ARHGAP11A: variants seen among roughly 807,000 people sequenced by gnomAD.
The protein encoded by ARHGAP11A is rho GTPase-activating protein 11A.
ARHGAP11A carries 36 observed loss-of-function variants against 60.5 expected under a neutral mutation model. That is an observed-to-expected ratio of 0.59 (90% CI 0.46 to 0.79). ARHGAP11A has a LOEUF of 0.79. Among genes scored for constraint, ARHGAP11A ranks in the 30% least tolerant of loss-of-function variants. The pLI is 0.00. For missense variants in ARHGAP11A, 1,071 were observed against 1,199.2 expected (o/e 0.89, Z 1.58); for synonymous variants, 362 against 415.5 (o/e 0.87, Z 1.57).
chr15:32,625,818 AG>A (rs1226007131), intron 6 of ARHGAP11A, among the ~76,000 whole-genome samples, 185 bp downstream of exon 6: 1 of 152,260 alleles, frequency 6.6e-6, no homozygotes, highest in African/African-American at 2.4e-5. Flanking sequence ...CTACATCTTT[AG>A]CACAAACATA....
At position 32,635,797 on chromosome 15, in the gene ARHGAP11A, T is replaced by G. The variant is rs748035502; in HGVS notation, c.1365T>G (p.Asn455Lys). 1.9e-6 allele frequency: 3 copies of G among 1,608,518 alleles called. No homozygotes were observed. The African/African-American group carries it at 4.0e-5, about 21-fold the overall frequency. Residue 455 changes from asparagine (N) to lysine (K), a missense_variant, in exon 11 of 12, where the codon AAT (asparagine) becomes AAG (lysine). Asn to Lys is a moderately conservative substitution (Grantham distance 94). Coordinates refer to ENST00000361627, the MANE Select transcript of ARHGAP11A (RefSeq NM_014783.6). ...TACAGAATGGATGTTCTGGTGTCAATAGATATGAAAGTGTTGGTTGGCGAC... is the reference window on the plus strand; with the variant it reads ...TACAGAATGGATGTTCTGGTGTCAAGAGATATGAAAGTGTTGGTTGGCGAC... ...GREVNGCSGV[N>K]RYESVGWRLA... is the part of the protein sequence containing the mutation.
chr15:32,621,986 A>G (rs1397869155), intron 2 of ARHGAP11A, among the ~76,000 whole-genome samples: 1 of 152,310 alleles, frequency 6.6e-6, no homozygotes, highest in South Asian at 2.1e-4. Flanking sequence ...CAATTATCGA[A>G]CACCTGGTTG....
rs1313901075 is a variant in ARHGAP11A, at chr15:32,636,442, G to C, written c.1669G>C (p.Glu557Gln). The C allele has an allele frequency of 6.2e-7, 1 of 1,613,942 alleles. No homozygotes were observed. Among genetic ancestry groups the C allele is most frequent in the Non-Finnish European group, 8.5e-7 (1 of 1,179,934 alleles). ...ENSLEPDIMV[E>Q]KSPATSCELT... ...CTCTTTGGAGCCTGATATTATGGTAGAAAAGTCACCTGCTACTTCATGTGA... is the reference window on the plus strand; with the variant it reads ...CTCTTTGGAGCCTGATATTATGGTACAAAAGTCACCTGCTACTTCATGTGA... Residue 557 changes from glutamate to glutamine, a missense_variant, in exon 12 of 12, where the codon GAA becomes CAA. Around this residue, in one of 4 missense-constraint regions of ARHGAP11A, gnomAD observed 776 missense variants for 760.2 expected, o/e 1.02. Coordinates refer to ENST00000361627, the MANE Select transcript of ARHGAP11A (RefSeq NM_014783.6).
rs572825058 is a variant in ARHGAP11A, at chr15:32,633,197, A to G, written c.1235+89A>G. 47 of 1,430,732 alleles carry G rather than the reference A, an allele frequency of 3.3e-5. 1 individual carries two copies. In the South Asian group the frequency reaches 6.0e-4, roughly 18 times the overall value. 88.6% of individuals were successfully genotyped at this position (1,430,732 alleles called of 1,614,324 possible). A position where few individuals can be genotyped will look rare whatever the true frequency, so the allele number is the denominator to read the frequency against. On this transcript the variant is annotated intron_variant, in intron 9 of 11. Coordinates refer to ENST00000361627, the MANE Select transcript of ARHGAP11A (RefSeq NM_014783.6). ...ATGTTTTGTCTTTCTGTCAAGCATC[A>G]TATTTGAGTCATAATTTTTTAAAAT...
Position 32,633,074 on chromosome 15 carries a change from C to A in ARHGAP11A, c.1201C>A (p.Arg401=). The part of the protein sequence containing the change: ...NHLITAGVPR[R]SKRIAGKKVC... The stretch of plus-strand genomic sequence containing the variant: ...TTTGATCACTGCAGGTGTGCCAAGG[C>A]GAAGTAAAAGAATTGCAGGCAAAAA... Residue 401 remains arginine (R), a synonymous_variant, in exon 9 of 12, where the codon CGA becomes AGA. Coordinates refer to ENST00000361627, the MANE Select transcript of ARHGAP11A (RefSeq NM_014783.6). 6.2e-7 allele frequency: 1 copy of A among 1,613,934 alleles called. No homozygotes were observed. The highest frequency in any genetic ancestry group is 8.5e-7 in the Non-Finnish European group (1 of 1,179,938).
At chr15:32,627,931 T>C (rs1462672776) in intron 6 of ARHGAP11A, among the ~76,000 whole-genome samples, 2 of 151,228 alleles carry the variant, frequency 1.3e-5, no homozygotes, top group African/African-American at 2.4e-5. Flanking sequence ...TGCCTCAGTC[T>C]CCCAAGTAGC....
At chr15:32,630,072 T>C (rs559282629) in intron 8 of ARHGAP11A, among the ~76,000 whole-genome samples, 261 of 110,716 alleles carry the variant, frequency 2.4e-3, no homozygotes, top group African/African-American at 9.8e-3. Flanking sequence ...TTAGACATCC[T>C]GAATCCTGCT....
chr15:32,617,900 T>TTA (rs1361514204), intron 1 of ARHGAP11A, among the ~76,000 whole-genome samples: 2 of 152,178 alleles, frequency 1.3e-5, no homozygotes, highest in Non-Finnish European at 2.9e-5. Flanking sequence ...AGCTTCAGTT[T>TTA]TATATATATA....
In ARHGAP11A at chr15:32,637,489, A is replaced by C. The variant is rs763203714; in HGVS notation, c.2716A>C (p.Met906Leu). 6.2e-7 allele frequency: 1 copy of C among 1,613,994 alleles called. No individual in the cohort carries two copies. The highest frequency in any genetic ancestry group is 1.3e-5 in the African/African-American group (1 of 75,056). The change falls in exon 12 of 12, where the codon ATG (methionine) becomes CTG (leucine). Residue 906 changes from methionine (M) to leucine (L), a missense_variant. By Grantham distance (15) the Met-to-Leu change is conservative. Transcript: ENST00000361627. The stretch of plus-strand genomic sequence containing the variant: ...ATCAGGTCCTAAAGAACAGAAGTCC[A>C]TGTCATGTGAAGAGTCAAATATTGG... ...IKSGPKEQKSMSCEESNIGAI... is the reference protein window; with the variant it reads ...IKSGPKEQKSLSCEESNIGAI...
Position 32,634,015 on chromosome 15 carries a change from A to T in ARHGAP11A, c.1318A>T (p.Asn440Tyr), listed in dbSNP as rs142046035. 6.2e-7 allele frequency: 1 copy of T among 1,606,790 alleles called. No individual in the cohort carries two copies. The highest frequency in any genetic ancestry group is 8.5e-7 in the Non-Finnish European group (1 of 1,177,866). ...TCGAAGATCTCTGCGTTTGAAATTC[A>T]ATCTAGGGAAAAATGGCAGAGAAGT... ...KVRRSLRLKF[N>Y]LGKNGREVNG... The change falls in exon 10 of 12, where the codon AAT (asparagine) becomes TAT (tyrosine). Residue 440 changes from asparagine to tyrosine, a missense_variant. Asn to Tyr is a moderately radical substitution (Grantham distance 143, BLOSUM62 -2). This residue lies in a region of ARHGAP11A where 776 missense variants were observed against 760.2 expected (regional missense o/e 1.02). Transcript: ENST00000361627.
intron 4 of ARHGAP11A, 96 bp downstream of exon 4, chr15:32,624,522 T>C: frequency 7.5e-6 from 11 of 1,465,766 alleles, no homozygotes; most frequent in Non-Finnish European, 1.0e-5. Flanking sequence ...GGAATGGAAA[T>C]TTTTCTTTAA....
chr15:32,639,604 C>T lies in ARHGAP11A; in HGVS notation c.*1759C>T, dbSNP rs1392026989. The T allele has an allele frequency of 1.3e-5, 2 of 152,152 alleles. No individual in the cohort carries two copies. The highest frequency in any genetic ancestry group is 2.9e-5 in the Non-Finnish European group (2 of 68,020). 9.4% of individuals were successfully genotyped at this position (152,152 alleles called of 1,614,324 possible). A position where few individuals can be genotyped will look rare whatever the true frequency, so the allele number is the denominator to read the frequency against. The stretch of plus-strand genomic sequence containing the variant: ...AGTCCTAGGGGTTTAACTGTACATA[C>T]TACCTGAACTGGCTTTTCTGAGAGA... On this transcript the variant is annotated 3_prime_UTR_variant, in exon 12 of 12. Coordinates refer to ENST00000361627, the MANE Select transcript of ARHGAP11A (RefSeq NM_014783.6).
intron 8 of ARHGAP11A, among the ~76,000 whole-genome samples, chr15:32,631,552 G>A (rs185924912): frequency 2.0e-5 from 3 of 152,240 alleles, no homozygotes; most frequent in Admixed American, 2.0e-4. Context: ...AACCTGCCTT[G>A]GTCTTCCAAA....
intron 9 of ARHGAP11A, 40 bp downstream of exon 9, chr15:32,633,148 T>G (rs372755584): frequency 4.8e-4 from 766 of 1,608,662 alleles, no homozygotes; most frequent in Non-Finnish European, 5.8e-4. Context: ...CGGATAAATA[T>G]TTGGTGTACA....
intron 1 of ARHGAP11A, 116 bp downstream of exon 1, chr15:32,616,456 T>G: frequency 6.8e-7 from 1 of 1,474,404 alleles, no homozygotes; most frequent in Non-Finnish European, 9.1e-7. Flanking sequence ...TGGTTAGGTG[T>G]GTAATTCAGT....
rs1321241486 is a variant in ARHGAP11A, at chr15:32,636,428, CT to C, written c.1656del (p.Asp553IlefsTer4). The C allele has an allele frequency of 3.7e-6, 6 of 1,613,846 alleles. No individual in the cohort carries two copies. The East Asian group carries it at 1.3e-4, about 36-fold the overall frequency. On this transcript the variant is annotated frameshift_variant, in exon 12 of 12. Coordinates refer to ENST00000361627, the MANE Select transcript of ARHGAP11A (RefSeq NM_014783.6). LOFTEE classifies it low-confidence loss of function (END_TRUNC). ...CTTGAGGTAGAAAACTCTTTGGAGC[CT>C]GATATTATGGTAGAAAAGTCACCTG... ...ENLEVENSLE[P>X]DIMVEKSPAT...
At chr15:32,622,386 C>G (rs180898859) in intron 2 of ARHGAP11A, among the ~76,000 whole-genome samples, 7 of 152,170 alleles carry the variant, frequency 4.6e-5, no homozygotes, top group African/African-American at 1.7e-4. Context: ...CCACTCCAGC[C>G]TGGGTGACAG....
intron 8 of ARHGAP11A, chr15:32,632,681 C>T: frequency 5.2e-6 from 1 of 193,512 alleles, no homozygotes; most frequent in South Asian, 1.4e-4. Flanking sequence ...GTTCTTTTTC[C>T]AGTCTGCAAT....
rs1026227113 is a variant in ARHGAP11A at position 32,636,078 on chromosome 15, G to C, written c.1483+163G>C. 66 of 1,374,852 alleles carry C rather than the reference G, an allele frequency of 4.8e-5. No homozygotes were observed. In the African/African-American group the frequency reaches 9.2e-4, roughly 19 times the overall value. 85.2% of individuals were successfully genotyped at this position (1,374,852 alleles called of 1,614,324 possible). ...CAATGTATTTTTCTATCAACAATTG[G>C]GAAATGCTTATACATGTAAATATGA... is the stretch of plus-strand genomic sequence containing the variant. On this transcript the variant is annotated intron_variant, in intron 11 of 11. Transcript: ENST00000361627.
Sources: allele counts gnomAD v4.1 joint callset (sites outside exome capture counted in the v4.1 genomes callset), GRCh38; gene constraint gnomAD v4.1.1; regional missense constraint gnomAD v4.1.1; transcripts MANE v1.5; gene names NCBI Gene and HGNC (gene_info 2026-07-23, HGNC 2026-07-21).